Variants in CCDC25 observed in about 807,000 individuals in gnomAD.
CCDC25 encodes coiled-coil domain containing 25.
In CCDC25, 16 loss-of-function variants were observed where a neutral mutation model predicts 35.3. The ratio of observed to expected loss-of-function variants is 0.45; its 90% CI spans 0.31 to 0.69. The LOEUF (loss-of-function observed/expected upper bound fraction) is 0.69, where lower values mean the gene tolerates loss of function less well. CCDC25 is among the 30% of genes least tolerant of loss of function. CCDC25 has a pLI of 0.06. For missense variants in CCDC25, 179 were observed against 250.7 expected, an observed-to-expected ratio of 0.71 and a Z score of 1.93; for synonymous variants, 79 against 80.3, an observed-to-expected ratio of 0.98 and a Z score of 0.09.
chr8:27,734,452 A>G lies in CCDC25; in HGVS notation c.*1764T>C, dbSNP rs1371649614. Reference sequence around the variant, plus strand: ...CAATGGCAAGAAATGAGAGGAGTTCAATGCCAACAGTTTGACCTGTGGGCA... The same window carrying G: ...CAATGGCAAGAAATGAGAGGAGTTCGATGCCAACAGTTTGACCTGTGGGCA... On this transcript the variant is annotated 3_prime_UTR_variant, in exon 9 of 9. Coordinates refer to ENST00000356537, the MANE Select transcript of CCDC25 (RefSeq NM_018246.3). The G allele has an allele frequency of 6.6e-6, 1 of 152,196 alleles. No homozygotes were observed. Among genetic ancestry groups the G allele is most frequent in the Non-Finnish European group, 1.5e-5 (1 of 68,032 alleles). The allele number at this position is 152,196 out of a possible 1,614,324, so 9.4% of individuals were successfully genotyped here. A position where few individuals can be genotyped will look rare whatever the true frequency, so the allele number is the denominator to read the frequency against.
intron 3 of CCDC25, among the ~76,000 whole-genome samples, chr8:27,757,030 G>A (rs1008548160): frequency 2.6e-5 from 4 of 151,906 alleles, no homozygotes; most frequent in African/African-American, 9.7e-5. Flanking sequence ...GTACTGGGAA[G>A]GGTGATTTTT....
intron 3 of CCDC25, among the ~76,000 whole-genome samples, chr8:27,759,608 CAAAAAAAAAAA>C (rs146836795): frequency 1.1e-5 from 1 of 88,458 alleles, no homozygotes; most frequent in African/African-American, 4.8e-5. Flanking sequence ...GACTCTGTCT[CAAAAAAAAAAA>C]AAAAAAAAAA....
intron 3 of CCDC25, among the ~76,000 whole-genome samples, chr8:27,761,098 C>T (rs533190495): frequency 6.6e-6 from 1 of 151,958 alleles, no homozygotes; most frequent in South Asian, 2.1e-4. Context: ...CATTGCACTC[C>T]AGCCTCGGCA....
intron 3 of CCDC25, among the ~76,000 whole-genome samples, chr8:27,757,178 T>C (rs959581197): frequency 1.3e-5 from 2 of 152,118 alleles, no homozygotes; most frequent in Admixed American, 1.3e-4. Flanking sequence ...GAGTGGGGGA[T>C]GAAAGAAGTC....
intron 2 of CCDC25, among the ~76,000 whole-genome samples, chr8:27,764,893 GT>G (rs1360012708): frequency 6.6e-6 from 1 of 152,154 alleles, no homozygotes; most frequent in Non-Finnish European, 1.5e-5. Flanking sequence ...TGATAATAAA[GT>G]TGTGACATTA....
chr8:27,761,150 A>C (rs1804215356), intron 3 of CCDC25, among the ~76,000 whole-genome samples: 2 of 152,158 alleles, frequency 1.3e-5, no homozygotes, highest in African/African-American at 4.8e-5. Flanking sequence ...AGAAAATTAA[A>C]TCAACTCTTC....
At chr8:27,753,483 G>A (rs1188042131) in intron 4 of CCDC25, among the ~76,000 whole-genome samples, 2 of 152,170 alleles carry the variant, frequency 1.3e-5, no homozygotes, top group Non-Finnish European at 2.9e-5. Context: ...AGCCAAGGCA[G>A]GAGGACAGCT....
Position 27,762,443 on chromosome 8 carries a change from T to C in CCDC25, c.92A>G (p.Lys31Arg), listed in dbSNP as rs752712536. ...CCAGATATCTTCAGGCCAGCCATGCTTGATCAGATCTTCATCTGCAATGAG... is the reference window on the plus strand; with the variant it reads ...CCAGATATCTTCAGGCCAGCCATGCCTGATCAGATCTTCATCTGCAATGAG... ...KDKYENEDLIKHGWPEDIWFH... is the reference protein window; with the variant it reads ...KDKYENEDLIRHGWPEDIWFH... The change falls in exon 3 of 9, where the codon AAG becomes AGG. Residue 31 changes from lysine (K) to arginine (R), a missense_variant. By Grantham distance (26) the Lys-to-Arg change is conservative. Coordinates refer to ENST00000356537, the MANE Select transcript of CCDC25 (RefSeq NM_018246.3). 3.7e-6 allele frequency: 6 copies of C among 1,613,472 alleles called. No individual in the cohort carries two copies. The highest frequency in any genetic ancestry group is 1.3e-5 in the African/African-American group (1 of 74,898).
Position 27,748,262 on chromosome 8 carries a change from C to T in CCDC25, c.366G>A (p.Val122=), listed in dbSNP as rs760306103. Residue 122 remains valine, a synonymous_variant, in exon 7 of 9, where the codon GTG becomes GTA. Transcript: ENST00000356537. ...TCAGGATCTCATTTACTTTCTTCTCCACTGTCACAATTTTTACCTTTAAGG... is the reference window on the plus strand; with the variant it reads ...TCAGGATCTCATTTACTTTCTTCTCTACTGTCACAATTTTTACCTTTAAGG... ...HRQKDVKIVT[V]EKKVNEILNR... 2 of 1,613,644 alleles carry T rather than the reference C, an allele frequency of 1.2e-6. No individual in the cohort carries two copies. Among genetic ancestry groups the T allele is most frequent in the East Asian group, 4.5e-5 (2 of 44,878 alleles).
At chr8:27,748,016 T>A (rs1292257908) in intron 7 of CCDC25, 61 bp downstream of exon 7, 1 of 1,509,462 alleles carries the variant, frequency 6.6e-7, no homozygotes. Context: ...GGCTAATACA[T>A]GATTAAAATC....
chr8:27,764,447 A>C (rs1804331450), intron 2 of CCDC25: 2 of 380,634 alleles, frequency 5.3e-6, no homozygotes, highest in African/African-American at 2.2e-5. Context: ...ATTTTCTTTT[A>C]TTGTTGTTTT....
intron 4 of CCDC25, among the ~76,000 whole-genome samples, chr8:27,755,612 T>A (rs1351543993): frequency 1.3e-5 from 2 of 152,120 alleles, no homozygotes; most frequent in Non-Finnish European, 2.9e-5. Context: ...AAAAGCAACC[T>A]TATAGTAGAG....
chr8:27,755,780 T>C (rs550003559), intron 4 of CCDC25, among the ~76,000 whole-genome samples: 5 of 152,068 alleles, frequency 3.3e-5, no homozygotes, highest in Non-Finnish European at 7.4e-5. Context: ...CGAGAAAAAA[T>C]ATCAGATAAA....
At chr8:27,745,334 T>C (rs984383061) in intron 7 of CCDC25, among the ~76,000 whole-genome samples, 4 of 152,196 alleles carry the variant, frequency 2.6e-5, no homozygotes, top group Admixed American at 6.5e-5. Flanking sequence ...CAGGTAGTCA[T>C]AGTCCTTACC....
In CCDC25 at chr8:27,736,143, C is replaced by T. The variant is rs1314620971; in HGVS notation, c.*73G>A. On this transcript the variant is annotated 3_prime_UTR_variant, in exon 9 of 9. Coordinates refer to ENST00000356537, the MANE Select transcript of CCDC25 (RefSeq NM_018246.3). The stretch of plus-strand genomic sequence containing the variant: ...TGGTTGTATTTTATATTTCAGAACA[C>T]AGATGAAACCAAAAGGTCTGCAATT... 2.8e-6 allele frequency: 4 copies of T among 1,431,754 alleles called. No homozygotes were observed. Among genetic ancestry groups the T allele is most frequent in the East Asian group, 4.6e-5 (2 of 43,386 alleles). The allele number at this position is 1,431,754 out of a possible 1,614,324, so 88.7% of individuals were successfully genotyped here.
chr8:27,756,111 AT>A (rs1803995024), intron 4 of CCDC25, among the ~76,000 whole-genome samples: 1 of 152,350 alleles, frequency 6.6e-6, no homozygotes, highest in East Asian at 1.9e-4. Context: ...GGAACTCTGT[AT>A]CACTTCTGCC....
At position 27,748,137 on chromosome 8, in the gene CCDC25, T is replaced by C. The variant is rs1234146979; in HGVS notation, c.491A>G (p.Gln164Arg). The C allele has an allele frequency of 3.1e-6, 5 of 1,613,472 alleles. No homozygotes were observed. The Admixed American group carries it at 5.0e-5, about 16-fold the overall frequency. The change falls in exon 7 of 9, where the codon CAG becomes CGG. Residue 164 changes from glutamine to arginine, a missense_variant. Coordinates refer to ENST00000356537, the MANE Select transcript of CCDC25 (RefSeq NM_018246.3). ...TTCTTTTTCTCTCTTTTTCATTTCC[T>C]GAATTTGGGCTTTTTTCTCATTCCT... is the stretch of plus-strand genomic sequence containing the variant. The part of the protein sequence containing the change: ...EERNEKKAQI[Q>R]EMKKREKEEM...
rs6150519 is a variant in CCDC25 at position 27,734,589 on chromosome 8, C to CAGAGGAGGTTGG, written c.*1626_*1627insCCAACCTCCTCT. Reference sequence around the variant, plus strand: ...AGGGTTAGGGGCATAGGAATCAACACAGAGCTATGAATTCAACAAGAGAAT... The same window carrying CAGAGGAGGTTGG: ...AGGGTTAGGGGCATAGGAATCAACACAGAGGAGGTTGGAGAGCTATGAATTCAACAAGAGAAT... On this transcript the variant is annotated 3_prime_UTR_variant, in exon 9 of 9. Coordinates refer to ENST00000356537, the MANE Select transcript of CCDC25 (RefSeq NM_018246.3). The CAGAGGAGGTTGG allele has an allele frequency of 0.86, 130,374 of 151,924 alleles. 56,222 individuals are homozygous for CAGAGGAGGTTGG. The highest frequency in any genetic ancestry group is 0.9 in the Non-Finnish European group (61,083 of 67,910). The allele number at this position is 151,924 out of a possible 1,614,324, so 9.4% of individuals were successfully genotyped here.
intron 2 of CCDC25, among the ~76,000 whole-genome samples, chr8:27,764,870 T>C (rs1367436563): frequency 1.3e-5 from 2 of 152,206 alleles, no homozygotes; most frequent in Non-Finnish European, 2.9e-5. Flanking sequence ...AAATAGACCT[T>C]AGTACTTTTT....
Sources: allele counts gnomAD v4.1 joint callset (sites outside exome capture counted in the v4.1 genomes callset), GRCh38; gene constraint gnomAD v4.1.1; transcripts MANE v1.5; gene names NCBI Gene and HGNC (gene_info 2026-07-23, HGNC 2026-07-21).